Variants in BPHL observed in about 807,000 individuals in gnomAD.
The protein encoded by BPHL is serine hydrolase BPHL.
In BPHL, 27 loss-of-function variants were observed where a neutral mutation model predicts 31.2. That is an observed-to-expected ratio of 0.87 (90% CI 0.64 to 1.19). BPHL has a LOEUF of 1.19. BPHL is among the 50% of genes most tolerant of loss of function. The pLI, the probability that BPHL is intolerant of heterozygous loss-of-function variation, is 0.00. For synonymous variants in BPHL, 150 were observed against 146.8 expected (o/e 1.02, Z -0.16); for missense variants, 356 against 375.7 (o/e 0.95, Z 0.43).
intron 5 of BPHL, chr6:3,138,127 C>G (rs980491607): frequency 9.1e-6 from 6 of 660,592 alleles, no homozygotes; most frequent in Non-Finnish European, 1.4e-5. Context: ...CAAGCGATTG[C>G]TCTGCCTCAG....
At chr6:3,125,921 A>G (rs1331430785) in intron 2 of BPHL, among the ~76,000 whole-genome samples, 2 of 152,246 alleles carry the variant, frequency 1.3e-5, no homozygotes, top group Non-Finnish European at 2.9e-5. Flanking sequence ...AGAAGTCCTC[A>G]GAAATCAGCA....
At chr6:3,135,360 A>G (rs1464496197) in intron 4 of BPHL, among the ~76,000 whole-genome samples, 1 of 152,140 alleles carries the variant, frequency 6.6e-6, no homozygotes, top group African/African-American at 2.4e-5. Flanking sequence ...TGCTGTTGAG[A>G]AGTTTCCTGT....
At position 3,140,413 on chromosome 6, in the gene BPHL, G is replaced by A. The variant is rs762056309; in HGVS notation, c.692G>A (p.Arg231Gln). Reference protein sequence around the residue: ...DGNICRHLLPRVQCPALIVHG... With the variant: ...DGNICRHLLPQVQCPALIVHG... ...AACATCTGCCGGCACCTGCTGCCCC[G>A]GGTCCAGTGCCCCGCCTTGATTGTG... Residue 231 changes from arginine to glutamine, a missense_variant, in exon 6 of 7, where the codon CGG (arginine) becomes CAG (glutamine). Coordinates refer to ENST00000380379, the MANE Select transcript of BPHL (RefSeq NM_004332.4). This position sits in a 1 kb window ranked among gnomAD's most constrained non-coding sequence, Gnocchi z 5.2. The A allele has an allele frequency of 1.4e-5, 23 of 1,614,006 alleles. No individual in the cohort carries two copies. The highest frequency in any genetic ancestry group is 6.7e-5 in the Admixed American group (4 of 59,994).
chr6:3,147,682 T>A (rs36071835), intron 6 of BPHL, among the ~76,000 whole-genome samples: 12,155 of 152,212 alleles, frequency 0.08, 672 homozygotes, highest in African/African-American at 0.15. Context: ...GAGATTCATT[T>A]TAGGGAATTG....
chr6:3,150,486 T>C (rs1335857091), intron 6 of BPHL, among the ~76,000 whole-genome samples: 2 of 152,218 alleles, frequency 1.3e-5, no homozygotes, highest in Non-Finnish European at 2.9e-5. Flanking sequence ...TTTCTGAAGG[T>C]GCCACATGCA....
intron 4 of BPHL, among the ~76,000 whole-genome samples, chr6:3,132,522 G>A (rs913656931): frequency 2.0e-5 from 3 of 152,062 alleles, no homozygotes; most frequent in African/African-American, 7.2e-5. Context: ...ATGTTCGACT[G>A]TTGTTTTTTT....
chr6:3,137,956 A>G (rs1158818384), intron 5 of BPHL: 138 of 1,259,164 alleles, frequency 1.1e-4, no homozygotes, highest in Non-Finnish European at 1.4e-4. Flanking sequence ...GGAAGAAAAT[A>G]TTCTGTTTTT....
At position 3,123,548 on chromosome 6, in the gene BPHL, G is replaced by A. The variant is rs759853319; in HGVS notation, c.108-109G>A. 1.2e-4 allele frequency: 95 copies of A among 816,120 alleles called. 1 individual carries two copies. The highest frequency in any genetic ancestry group is 4.0e-4 in the Admixed American group (18 of 44,810). The allele number at this position is 816,120 out of a possible 1,614,324, so 50.6% of individuals were successfully genotyped here. On this transcript the variant is annotated intron_variant, in intron 1 of 6. Coordinates refer to ENST00000380379, the MANE Select transcript of BPHL (RefSeq NM_004332.4). The stretch of plus-strand genomic sequence containing the variant: ...TTGTTAGCCGTAGTCATCCTACAGC[G>A]CGTAGAACACTAACACTTATTCCTC...
intron 6 of BPHL, among the ~76,000 whole-genome samples, chr6:3,146,410 T>G (rs1451582750): frequency 2.0e-4 from 23 of 115,974 alleles, no homozygotes; most frequent in African/African-American, 6.3e-4. Context: ...AGTGCTGGTT[T>G]GGGTTGAGTG....
At chr6:3,143,485 A>T (rs1333113801) in intron 6 of BPHL, among the ~76,000 whole-genome samples, 3 of 152,152 alleles carry the variant, frequency 2.0e-5, no homozygotes, top group African/African-American at 2.4e-5. Context: ...AGATCATTCA[A>T]GCTCAGTGAT....
In BPHL at chr6:3,140,276, G is replaced by A. The variant is rs868479771; in HGVS notation, c.665-110G>A. ...GTCAAATCCAAAACACAGTTTTTAC[G>A]GATAGGGAAACTGAGGGCCAAGGAG... On this transcript the variant is annotated intron_variant, in intron 5 of 6. Transcript: ENST00000380379. This position sits in a 1 kb window ranked among gnomAD's most constrained non-coding sequence, Gnocchi z 5.2. 1.9e-4 allele frequency: 267 copies of A among 1,401,668 alleles called. 1 individual carries two copies. The Middle Eastern group carries it at 2.3e-3, about 12-fold the overall frequency. The allele number at this position is 1,401,668 out of a possible 1,614,324, so 86.8% of individuals were successfully genotyped here.
intron 1 of BPHL, among the ~76,000 whole-genome samples, chr6:3,120,614 C>T (rs953660930): frequency 4.9e-4 from 74 of 152,302 alleles, no homozygotes; most frequent in African/African-American, 1.7e-3. Context: ...CAACCTACAA[C>T]TGACTTTTGT....
chr6:3,137,384 G>C lies in BPHL; in HGVS notation c.555G>C (p.Trp185Cys). Residue 185 changes from tryptophan to cysteine, a missense_variant, in exon 5 of 7, where the codon TGG (tryptophan) becomes TGC (cysteine). Coordinates refer to ENST00000380379, the MANE Select transcript of BPHL (RefSeq NM_004332.4). The stretch of plus-strand genomic sequence containing the variant: ...CAGGCATCCGAGATGTTTCCAAATG[G>C]AGTGAGAGAACAAGAAAGCCTCTAG... ...IYEGIRDVSK[W>C]SERTRKPLEA... 1 of 1,612,322 alleles carries C rather than the reference G, an allele frequency of 6.2e-7. No individual in the cohort carries two copies.
intron 6 of BPHL, among the ~76,000 whole-genome samples, chr6:3,148,189 G>T (rs967752149): frequency 1.3e-5 from 2 of 152,232 alleles, no homozygotes; most frequent in African/African-American, 4.8e-5. Context: ...TGGGCCTTGT[G>T]TTGGGTTCAC....
At chr6:3,147,507 C>T (rs1762415836) in intron 6 of BPHL, among the ~76,000 whole-genome samples, 1 of 152,070 alleles carries the variant, frequency 6.6e-6, no homozygotes, top group Non-Finnish European at 1.5e-5. Context: ...GATCATAGCT[C>T]CTGGCAGCCT....
rs1219055645 is a variant in BPHL at position 3,149,578 on chromosome 6, G to GC, written c.789-2905dup. Among the ~76,000 whole-genome samples, 2 of 152,158 alleles carry GC rather than the reference G, an allele frequency of 1.3e-5. No homozygotes were observed. Among genetic ancestry groups the GC allele is most frequent in the Admixed American group, 6.5e-5 (1 of 15,284 alleles). On this transcript the variant is annotated intron_variant, in intron 6 of 6. Transcript: ENST00000380379. This position sits in a 1 kb window ranked among gnomAD's most constrained non-coding sequence, Gnocchi z 4.6. ...GAGGAGAGCCTGGCCAGCCAGGGCA[G>GC]CCCCCAACTTCATCAGCAGCAAGGA... is the stretch of plus-strand genomic sequence containing the variant.
At position 3,153,024 on chromosome 6, in the gene BPHL, G is replaced by C. The variant is rs552750387; in HGVS notation, c.*449G>C. The C allele has an allele frequency of 2.0e-5, 3 of 151,442 alleles. No individual in the cohort carries two copies. The South Asian group carries it at 6.3e-4, about 32-fold the overall frequency. 9.4% of individuals were successfully genotyped at this position (151,442 alleles called of 1,614,324 possible). ...AACCTGGGCAACAGAGTAAGACCTT[G>C]TCTTAAAAAAAAATAAAAACATAAA... On this transcript the variant is annotated 3_prime_UTR_variant, in exon 7 of 7. Coordinates refer to ENST00000380379, the MANE Select transcript of BPHL (RefSeq NM_004332.4).
chr6:3,137,157 G>A (rs1762034950), intron 4 of BPHL, among the ~76,000 whole-genome samples: 1 of 152,038 alleles, frequency 6.6e-6, no homozygotes, highest in Non-Finnish European at 1.5e-5. Flanking sequence ...ACAGGTCCTA[G>A]TGGGAGGCAG....
rs572995943 is a variant in BPHL at position 3,149,777 on chromosome 6, G to A, written c.789-2711G>A. Among the ~76,000 whole-genome samples the A allele has an allele frequency of 6.6e-6, 1 of 152,156 alleles. No homozygotes were observed. The highest frequency in any genetic ancestry group is 1.5e-5 in the Non-Finnish European group (1 of 68,012). ...CCCGAGTAGCTGGGATTATAGGCGC[G>A]CATCACCACGCCGGCTAATTTTTGT... On this transcript the variant is annotated intron_variant, in intron 6 of 6. Transcript: ENST00000380379. The surrounding 1 kb of genome is among the most constrained non-coding windows in gnomAD (Gnocchi z 4.6).
Sources: allele counts gnomAD v4.1 joint callset (sites outside exome capture counted in the v4.1 genomes callset), GRCh38; gene constraint gnomAD v4.1.1; non-coding constraint Gnocchi (gnomAD v3.1); transcripts MANE v1.5; gene names NCBI Gene and HGNC (gene_info 2026-07-23, HGNC 2026-07-21).